Variants in CFAP43 observed in about 807,000 individuals in gnomAD.
The protein encoded by CFAP43 is cilia- and flagella-associated protein 43.
CFAP43 carries 155 observed loss-of-function variants against 218.9 expected under a neutral mutation model. That is an observed-to-expected ratio of 0.71 (90% CI 0.62 to 0.81). The LOEUF (loss-of-function observed/expected upper bound fraction) is 0.81. Among genes scored for constraint, CFAP43 ranks in the 30% least tolerant of loss-of-function variants. The probability of loss-of-function intolerance (pLI) is 0.00; values close to 1 mark genes in which losing one functional copy is unlikely to be tolerated. For missense variants in CFAP43, 1,778 were observed against 1,954.3 expected (o/e 0.91, Z 1.70); for synonymous variants, 645 against 681.3 (o/e 0.95, Z 0.83).
In CFAP43 at chr10:104,182,396, G is replaced by A. The variant is rs534130641; in HGVS notation, c.2259C>T (p.Ser753=). The A allele has an allele frequency of 3.4e-5, 54 of 1,608,484 alleles. No homozygotes were observed. Among genetic ancestry groups the A allele is most frequent in the African/African-American group, 6.7e-5 (5 of 74,684 alleles). The change falls in exon 17 of 38, where the codon TCC becomes TCT. Residue 753 remains serine, a synonymous_variant. Transcript: ENST00000357060. ...GTTCAGAATCGGATCCCAAATCTAC[G>A]GAAACTTTTGGTGTTGTGCTTAAAT... ...NHYLSTTPKV[S]VDLGSDSEHT...
chr10:104,218,199 T>C (rs1589804173), intron 3 of CFAP43, among the ~76,000 whole-genome samples: 1 of 151,582 alleles, frequency 6.6e-6, no homozygotes, highest in East Asian at 1.9e-4. Flanking sequence ...ATACAAAAAA[T>C]TAGCTGGGCG....
chr10:104,182,559 T>G (rs959573440), intron 16 of CFAP43, 46 bp from the exon 17 acceptor site: 1 of 1,509,480 alleles, frequency 6.6e-7, no homozygotes, highest in Admixed American at 2.4e-5. Flanking sequence ...AAATCATAAT[T>G]TAAAAAATCA....
At position 104,132,193 on chromosome 10, in the gene CFAP43, G is replaced by T; in HGVS notation, c.4600C>A (p.Leu1534Ile). ...AGAGCCTCATAGTTTGGTTCATTTA[G>T]GTACTTTGAGATTAAAAAAAAACAT... ...LFFSRDRQKY[L>I]NEPNYEALIS... Residue 1534 changes from leucine to isoleucine, a missense_variant, in exon 36 of 38, where the codon CTA (leucine) becomes ATA (isoleucine). By Grantham distance (5) the Leu-to-Ile change is conservative. Coordinates refer to ENST00000357060, the MANE Select transcript of CFAP43 (RefSeq NM_025145.7). 6.3e-7 allele frequency: 1 copy of T among 1,585,634 alleles called. No individual in the cohort carries two copies. Among genetic ancestry groups the T allele is most frequent in the Non-Finnish European group, 8.6e-7 (1 of 1,166,864 alleles).
At chr10:104,140,126 A>AT (rs1446670196) in intron 34 of CFAP43, among the ~76,000 whole-genome samples, 1 of 140,072 alleles carries the variant, frequency 7.1e-6, no homozygotes, top group African/African-American at 3.3e-5. Flanking sequence ...TATAGGGAAT[A>AT]TTTTTTTAGG....
chr10:104,170,593 G>A (rs2089369557), intron 20 of CFAP43, among the ~76,000 whole-genome samples: 1 of 152,110 alleles, frequency 6.6e-6, no homozygotes, highest in Non-Finnish European at 1.5e-5. Context: ...AGGAGGAAGA[G>A]TCAGGATCTT....
At chr10:104,161,260 T>C (rs1381591673) in intron 26 of CFAP43, 98 bp from the exon 27 acceptor site, 7 of 1,325,556 alleles carry the variant, frequency 5.3e-6, no homozygotes, top group Non-Finnish European at 7.2e-6. Context: ...TTTAAAAGGA[T>C]ACAGTCCTTC....
chr10:104,213,983 A>T (rs1225443698), intron 4 of CFAP43, among the ~76,000 whole-genome samples: 1 of 152,238 alleles, frequency 6.6e-6, no homozygotes, highest in Non-Finnish European at 1.5e-5. Context: ...AAATTAGATC[A>T]TGTTGGAAAA....
chr10:104,131,375 T>G lies in CFAP43; in HGVS notation c.4787A>C (p.Glu1596Ala). 1 of 1,613,480 alleles carries G rather than the reference T, an allele frequency of 6.2e-7. No individual in the cohort carries two copies. Among genetic ancestry groups the G allele is most frequent in the East Asian group, 2.2e-5 (1 of 44,806 alleles). Residue 1596 changes from glutamate to alanine, a missense_variant, in exon 37 of 38, where the codon GAG becomes GCG. Glu to Ala is a moderately radical substitution (Grantham distance 107). This residue lies in a region of CFAP43 where 211 missense variants were observed against 230.6 expected (regional missense o/e 0.91). Transcript: ENST00000357060. ...NYALSCNLRE[E>A]LVAVSERKDI... ...TTTTCTCTCTGAGACAGCTACCAAC[T>G]CTTCTCGTAGATTGCAGCTTAGGGC...
At chr10:104,227,224 T>G (rs1254840730) in intron 2 of CFAP43, among the ~76,000 whole-genome samples, 1 of 152,210 alleles carries the variant, frequency 6.6e-6, no homozygotes, top group African/African-American at 2.4e-5. Context: ...TGTAGGTTGC[T>G]CCAACCTTGT....
intron 2 of CFAP43, among the ~76,000 whole-genome samples, chr10:104,229,213 C>T (rs1291070357): frequency 6.6e-6 from 1 of 152,140 alleles, no homozygotes; most frequent in Non-Finnish European, 1.5e-5. Flanking sequence ...TGACTTCATC[C>T]AAACACTTAT....
At chr10:104,216,635 C>T (rs1032447598) in intron 3 of CFAP43, among the ~76,000 whole-genome samples, 2 of 152,126 alleles carry the variant, frequency 1.3e-5, no homozygotes, top group Non-Finnish European at 2.9e-5. Context: ...AAATTCTCAT[C>T]TCCTCCTCTC....
At chr10:104,207,529 C>T in intron 6 of CFAP43, 136 bp downstream of exon 6, 2 of 770,144 alleles carry the variant, frequency 2.6e-6, no homozygotes, top group Non-Finnish European at 2.1e-6. Flanking sequence ...TGGTAGAATG[C>T]CAACAGCACA....
chr10:104,140,807 C>T lies in CFAP43; in HGVS notation c.4431+35G>A, dbSNP rs771827397. On this transcript the variant is annotated intron_variant, in intron 34 of 37. Transcript: ENST00000357060. The stretch of plus-strand genomic sequence containing the variant: ...CTCTAGCCTGAGTAACAAAGCAAGA[C>T]CTTGAATTAAAATAAAAATAAAAAG... 8.6e-6 allele frequency: 13 copies of T among 1,515,612 alleles called. No individual in the cohort carries two copies. In the East Asian group the frequency reaches 2.9e-4, roughly 33 times the overall value. 93.9% of individuals were successfully genotyped at this position (1,515,612 alleles called of 1,614,324 possible).
At chr10:104,187,261 T>C in intron 14 of CFAP43, 59 bp downstream of exon 14, 3 of 1,448,414 alleles carry the variant, frequency 2.1e-6, no homozygotes, top group Non-Finnish European at 2.8e-6. Flanking sequence ...ATCTAATCAG[T>C]ATAATGTATC....
At chr10:104,221,166 G>C (rs1202734353) in intron 3 of CFAP43, among the ~76,000 whole-genome samples, 1 of 152,076 alleles carries the variant, frequency 6.6e-6, no homozygotes, top group East Asian at 1.9e-4. Context: ...GTAGAGATGG[G>C]GTTTCACCAT....
In CFAP43 at chr10:104,197,053, G is replaced by A. The variant is rs1391505575; in HGVS notation, c.1213-120C>T. ...TATAAAATTTCATTTTACTTACGTG[G>A]ATTATAAATACTTATTTTATCATTT... On this transcript the variant is annotated intron_variant, in intron 9 of 37. Transcript: ENST00000357060. The A allele has an allele frequency of 6.0e-6, 4 of 665,302 alleles. No individual in the cohort carries two copies. In the East Asian group the frequency reaches 1.2e-4, roughly 19 times the overall value. 41.2% of individuals were successfully genotyped at this position (665,302 alleles called of 1,614,324 possible). A position where few individuals can be genotyped will look rare whatever the true frequency, so the allele number is the denominator to read the frequency against.
At chr10:104,138,219 C>T (rs1311569148) in intron 34 of CFAP43, among the ~76,000 whole-genome samples, 3 of 152,138 alleles carry the variant, frequency 2.0e-5, no homozygotes, top group Admixed American at 2.0e-4. Flanking sequence ...GGCATTTTAC[C>T]TCTGTGGTCT....
chr10:104,183,173 C>T (rs376700207), intron 16 of CFAP43, among the ~76,000 whole-genome samples: 7 of 152,274 alleles, frequency 4.6e-5, no homozygotes, highest in Non-Finnish European at 7.4e-5. Flanking sequence ...AAACTTTGGA[C>T]GCATCAGCAT....
At chr10:104,200,012 C>A (rs796776444) in intron 8 of CFAP43, among the ~76,000 whole-genome samples, 11 of 152,218 alleles carry the variant, frequency 7.2e-5, no homozygotes, top group African/African-American at 2.6e-4. Context: ...AGGAACTCCC[C>A]AAACCTCCAT....
Sources: allele counts gnomAD v4.1 joint callset (sites outside exome capture counted in the v4.1 genomes callset), GRCh38; gene constraint gnomAD v4.1.1; regional missense constraint gnomAD v4.1.1; transcripts MANE v1.5; gene names NCBI Gene and HGNC (gene_info 2026-07-23, HGNC 2026-07-21).